The following EBF1 variants were observed in gnomAD, a reference collection of about 807,000 sequenced individuals.
The protein encoded by EBF1 is transcription factor COE1.
A neutral mutation model predicts 68.4 loss-of-function variants in EBF1; 10 were observed. The observed-to-expected ratio is 0.15, with a 90% CI of 0.09 to 0.25. EBF1 has a LOEUF of 0.25. EBF1 is among the 10% of genes least tolerant of loss of function. The probability of loss-of-function intolerance (pLI) is 1.00; values close to 1 mark genes in which losing one functional copy is unlikely to be tolerated. For synonymous variants in EBF1, 298 were observed against 299.8 expected, an observed-to-expected ratio of 0.99 and a Z score of 0.06; for missense variants, 509 against 794.4, an observed-to-expected ratio of 0.64 and a Z score of 4.32.
chr5:158,836,659 G>C (rs1788885731), intron 7 of EBF1, among the ~76,000 whole-genome samples: 1 of 152,174 alleles, frequency 6.6e-6, no homozygotes, highest in Non-Finnish European at 1.5e-5. Flanking sequence ...CCCAATGTTG[G>C]TTGTATGAAA....
At chr5:158,980,452 G>A (rs1249044820) in intron 6 of EBF1, among the ~76,000 whole-genome samples, 3 of 152,148 alleles carry the variant, frequency 2.0e-5, no homozygotes, top group South Asian at 2.1e-4. Context: ...GGCCAGATCC[G>A]CAGCCAAGAC....
intron 9 of EBF1, among the ~76,000 whole-genome samples, chr5:158,795,098 C>T (rs976906783): frequency 6.6e-6 from 1 of 152,160 alleles, no homozygotes; most frequent in African/African-American, 2.4e-5. Flanking sequence ...AAGCAGTATA[C>T]ACAGAAGGCT....
intron 7 of EBF1, among the ~76,000 whole-genome samples, chr5:158,827,173 A>G (rs34543989): frequency 0.013 from 1,960 of 152,336 alleles, 10 homozygotes; most frequent in Non-Finnish European, 0.019. Flanking sequence ...GGGTGATGTT[A>G]AACAAGAAGT....
intron 7 of EBF1, among the ~76,000 whole-genome samples, chr5:158,827,393 T>C (rs952163356): frequency 1.3e-5 from 2 of 152,248 alleles, no homozygotes; most frequent in African/African-American, 2.4e-5. Context: ...CATTGGTTTA[T>C]ATAATGTCGC....
At chr5:159,033,492 C>T (rs1561845463) in intron 6 of EBF1, among the ~76,000 whole-genome samples, 1 of 152,100 alleles carries the variant, frequency 6.6e-6, no homozygotes, top group Non-Finnish European at 1.5e-5. Context: ...AGGATGCAGA[C>T]AGGAAACTGA....
At chr5:158,850,052 C>T (rs1196102150) in intron 6 of EBF1, among the ~76,000 whole-genome samples, 1 of 152,192 alleles carries the variant, frequency 6.6e-6, no homozygotes, top group Non-Finnish European at 1.5e-5. Flanking sequence ...AGGCTCCACA[C>T]CATTGGTGTC....
intron 6 of EBF1, among the ~76,000 whole-genome samples, chr5:158,943,197 A>G (rs1813856002): frequency 6.6e-6 from 1 of 152,212 alleles, no homozygotes; most frequent in Admixed American, 6.5e-5. Context: ...TAATGCAAAC[A>G]GAGGCCAGAA....
At chr5:158,774,673 G>A (rs1774697301) in intron 10 of EBF1, among the ~76,000 whole-genome samples, 1 of 152,080 alleles carries the variant, frequency 6.6e-6, no homozygotes, top group South Asian at 2.1e-4. Context: ...AAAGAACAGA[G>A]AGGTTTTATG....
chr5:158,851,647 A>G, intron 6 of EBF1, among the ~76,000 whole-genome samples: 1 of 79,098 alleles, frequency 1.3e-5, no homozygotes, highest in Non-Finnish European at 2.6e-5. Flanking sequence ...AAGGGAAGGA[A>G]AGGGAAGGGG....
At chr5:158,903,398 C>A (rs1277726931) in intron 6 of EBF1, among the ~76,000 whole-genome samples, 1 of 152,052 alleles carries the variant, frequency 6.6e-6, no homozygotes, top group Non-Finnish European at 1.5e-5. Context: ...TTAATAGTTC[C>A]AAATCAGGTC....
chr5:158,944,297 G>A (rs901118880), intron 6 of EBF1, among the ~76,000 whole-genome samples: 2 of 151,928 alleles, frequency 1.3e-5, no homozygotes, highest in African/African-American at 4.8e-5. Flanking sequence ...CAACTCCCAA[G>A]TATGAGTGAG....
intron 6 of EBF1, among the ~76,000 whole-genome samples, chr5:158,948,489 T>G (rs1387590743): frequency 1.3e-5 from 2 of 152,202 alleles, no homozygotes; most frequent in Non-Finnish European, 2.9e-5. Context: ...TTGGGTGTGT[T>G]ATTTTTATCT....
chr5:159,050,960 G>A (rs1279138357), intron 6 of EBF1, among the ~76,000 whole-genome samples: 1 of 152,144 alleles, frequency 6.6e-6, no homozygotes, highest in East Asian at 1.9e-4. Context: ...CTTGTGAAAT[G>A]TAACTTTACC....
chr5:158,710,934 G>C (rs555260255), intron 14 of EBF1, among the ~76,000 whole-genome samples: 1 of 152,294 alleles, frequency 6.6e-6, no homozygotes, highest in South Asian at 2.1e-4. Flanking sequence ...GAACTTCAAA[G>C]TCAGAGCGAG....
At chr5:158,925,934 C>T (rs1809604011) in intron 6 of EBF1, among the ~76,000 whole-genome samples, 1 of 152,128 alleles carries the variant, frequency 6.6e-6, no homozygotes, top group African/African-American at 2.4e-5. Context: ...TCCCACTACC[C>T]ATGTGTCCAG....
intron 6 of EBF1, among the ~76,000 whole-genome samples, chr5:158,943,488 T>C (rs890643284): frequency 3.3e-5 from 5 of 152,158 alleles, no homozygotes; most frequent in African/African-American, 4.8e-5. Flanking sequence ...ATTCCAGTTG[T>C]GATATATATT....
chr5:158,805,397 T>C (rs1260670923), intron 8 of EBF1, among the ~76,000 whole-genome samples: 2 of 152,124 alleles, frequency 1.3e-5, no homozygotes, highest in Admixed American at 1.3e-4. Context: ...CCTGATAGGA[T>C]TAAACCTTTA....
chr5:158,975,048 C>T (rs531169433), intron 6 of EBF1, among the ~76,000 whole-genome samples: 15 of 152,286 alleles, frequency 9.8e-5, no homozygotes, highest in Non-Finnish European at 1.6e-4. Flanking sequence ...ACCCCATCAG[C>T]TCTGGTCACT....
chr5:158,928,762 A>C (rs1221234736), intron 6 of EBF1, among the ~76,000 whole-genome samples: 1 of 151,586 alleles, frequency 6.6e-6, no homozygotes, highest in Non-Finnish European at 1.5e-5. Flanking sequence ...GGAATAAAGA[A>C]ATATAGTTTT....
Sources: allele counts gnomAD v4.1 joint callset (sites outside exome capture counted in the v4.1 genomes callset), GRCh38; gene constraint gnomAD v4.1.1; transcripts MANE v1.5; gene names NCBI Gene and HGNC (gene_info 2026-07-23, HGNC 2026-07-21).